ARSG: variants seen among roughly 807,000 people sequenced by gnomAD.
The protein encoded by ARSG is arylsulfatase G.
In ARSG, 37 loss-of-function variants were observed where a neutral mutation model predicts 50.5. The observed-to-expected ratio is 0.73, with a 90% CI of 0.56 to 0.96. The LOEUF is 0.96. Ranked by LOEUF, ARSG falls within the 50% of genes least tolerant of loss-of-function variation. The probability of loss-of-function intolerance (pLI) is 0.00; values close to 1 mark genes in which losing one functional copy is unlikely to be tolerated. For synonymous variants in ARSG, 225 were observed against 254.6 expected, an observed-to-expected ratio of 0.88 and a Z score of 1.11; for missense variants, 629 against 675.3, an observed-to-expected ratio of 0.93 and a Z score of 0.76.
chr17:68,421,741 G>A (rs1222825166), downstream of ARSG: 42 of 1,613,930 alleles, frequency 2.6e-5, no homozygotes, highest in Non-Finnish European at 3.5e-5. Flanking sequence ...CCTGATAGGG[G>A]GGATGTCCTG....
intron 1 of ARSG, chr17:68,270,998 A>C (rs782754469): frequency 6.2e-7 from 1 of 1,614,200 alleles, no homozygotes; most frequent in Non-Finnish European, 8.5e-7. Flanking sequence ...AATATGCTGC[A>C]TGACATTAGA....
chr17:68,272,586 C>T, intron 1 of ARSG: 1 of 1,594,224 alleles, frequency 6.3e-7, no homozygotes, highest in South Asian at 1.1e-5. Context: ...GCAAGAATAC[C>T]TGAGTGACGT....
chr17:68,428,494 A>C, the ARSG span: 1 of 213,986 alleles, frequency 4.7e-6, no homozygotes, highest in Non-Finnish European at 9.5e-6. Flanking sequence ...CGGCCTCCCA[A>C]AGTGCCGGGA....
the ARSG span, among the ~76,000 whole-genome samples, chr17:68,437,948 T>TAAAAA: frequency 5.7e-3 from 449 of 78,730 alleles, 8 homozygotes; most frequent in African/African-American, 0.02. Flanking sequence ...ACATCTCTCT[T>TAAAAA]AAAAAAAAAA....
chr17:68,270,965 T>C, intron 1 of ARSG: 3 of 1,614,166 alleles, frequency 1.9e-6, no homozygotes, highest in South Asian at 1.1e-5. Flanking sequence ...GTCCCTCCTA[T>C]TGTTCCAACC....
chr17:68,284,481 G>A (rs1471688115), intron 1 of ARSG, among the ~76,000 whole-genome samples: 10 of 152,032 alleles, frequency 6.6e-5, no homozygotes, highest in Non-Finnish European at 7.4e-5. Flanking sequence ...TCAGGGTCAG[G>A]GTGCATTATA....
At chr17:68,326,652 C>T (rs568123049) in intron 2 of ARSG, among the ~76,000 whole-genome samples, 4 of 152,110 alleles carry the variant, frequency 2.6e-5, no homozygotes, top group Admixed American at 6.6e-5. Flanking sequence ...GTGACAAGAG[C>T]GAAACTCCGT....
At chr17:68,306,342 G>A (rs2076608421) in intron 1 of ARSG, among the ~76,000 whole-genome samples, 1 of 151,954 alleles carries the variant, frequency 6.6e-6, no homozygotes, top group South Asian at 2.1e-4. Context: ...TCAGTGAGCC[G>A]AGATTGTGCC....
intron 1 of ARSG, among the ~76,000 whole-genome samples, chr17:68,263,209 C>G (rs868915354): frequency 1.3e-4 from 19 of 147,962 alleles, no homozygotes; most frequent in Admixed American, 6.9e-5. Context: ...TCTCTTGCCA[C>G]TTTTCTTGTT....
the ARSG span, among the ~76,000 whole-genome samples, chr17:68,449,629 C>A: frequency 6.6e-6 from 1 of 152,208 alleles, no homozygotes; most frequent in Non-Finnish European, 1.5e-5. Flanking sequence ...CCACCCGTCT[C>A]TTGGTCCTGC....
intron 8 of ARSG, among the ~76,000 whole-genome samples, chr17:68,376,292 T>C (rs2080147817): frequency 6.7e-6 from 1 of 150,194 alleles, no homozygotes; most frequent in Non-Finnish European, 1.5e-5. Flanking sequence ...TTTTTTTTTT[T>C]CTGAGATAGG....
At chr17:68,299,919 A>G (rs927117793) in intron 1 of ARSG, among the ~76,000 whole-genome samples, 22 of 149,850 alleles carry the variant, frequency 1.5e-4, no homozygotes, top group African/African-American at 5.4e-4. Flanking sequence ...GGATAAAATT[A>G]TATGATATTT....
chr17:68,278,336 AAAAGTT>A (rs782018661), intron 1 of ARSG: 2 of 1,582,802 alleles, frequency 1.3e-6, no homozygotes, highest in Admixed American at 1.7e-5. Flanking sequence ...ATCTGAAAGA[AAAAGTT>A]AAAAGCAATT....
intron 1 of ARSG, among the ~76,000 whole-genome samples, chr17:68,266,444 T>G (rs1555746440): frequency 1.1e-5 from 1 of 90,120 alleles, no homozygotes; most frequent in Non-Finnish European, 2.3e-5. Flanking sequence ...ATACTTTTTT[T>G]TGTATAAAAA....
At chr17:68,443,136 A>C in the ARSG span, among the ~76,000 whole-genome samples, 1 of 152,070 alleles carries the variant, frequency 6.6e-6, no homozygotes. Flanking sequence ...TTTGAGACAG[A>C]GTCTCGATCT....
rs933257133 is a variant in ARSG, at chr17:68,378,141, G to A, written c.983-6923G>A. On this transcript the variant is annotated intron_variant, in intron 8 of 11. Coordinates refer to ENST00000621439, the MANE Select transcript of ARSG (RefSeq NM_001267727.2). The surrounding 1 kb of genome is among the most constrained non-coding windows in gnomAD (Gnocchi z 4.4). ...TGTCCTGTGAGTCAAGGGGGCTGGG[G>A]TCCCTCTGGTCACCTGCTCCTCTTC... 3.9e-5 allele frequency among the ~76,000 whole-genome samples: 6 copies of A among 152,332 alleles called. No individual in the cohort carries two copies. The South Asian group carries it at 1.0e-3, about 26-fold the overall frequency.
the ARSG span, among the ~76,000 whole-genome samples, chr17:68,451,835 C>T: frequency 5.3e-5 from 8 of 152,308 alleles, no homozygotes; most frequent in African/African-American, 1.9e-4. Flanking sequence ...TAGTTAATGA[C>T]CCTCCTGAGC....
chr17:68,271,462 G>T lies in ARSG; in HGVS notation c.-552+12036G>T, dbSNP rs782275679. ...TCCTGAGTCAATGGAGTCTATTGAG[G>T]TTCGTGTTTTCTCATTTTCAAGCAT... On this transcript the variant is annotated intron_variant, in intron 1 of 11. Coordinates refer to the ARSG transcript ENST00000448504. The surrounding 1 kb of genome is among the most constrained non-coding windows in gnomAD (Gnocchi z 5.3). The T allele has an allele frequency of 1.9e-6, 3 of 1,614,164 alleles. No individual in the cohort carries two copies. The highest frequency in any genetic ancestry group is 2.5e-6 in the Non-Finnish European group (3 of 1,180,040).
chr17:68,287,266 G>A (rs1396003848), upstream of ARSG, among the ~76,000 whole-genome samples: 1 of 151,608 alleles, frequency 6.6e-6, no homozygotes, highest in Admixed American at 6.6e-5. Context: ...ACGTTAGATA[G>A]TATCTAAACG....
Sources: allele counts gnomAD v4.1 joint callset (sites outside exome capture counted in the v4.1 genomes callset), GRCh38; gene constraint gnomAD v4.1.1; non-coding constraint Gnocchi (gnomAD v3.1); transcripts MANE v1.5; gene names NCBI Gene and HGNC (gene_info 2026-07-23, HGNC 2026-07-21).